STRN3: variants seen among roughly 807,000 people sequenced by gnomAD.
STRN3 encodes the protein striatin 3.
Under a neutral mutation model 95.6 loss-of-function variants are expected in STRN3, and 29 were observed. The observed-to-expected ratio is 0.30, with a 90% CI of 0.23 to 0.41. The LOEUF (loss-of-function observed/expected upper bound fraction) is 0.41, where lower values mean the gene tolerates loss of function less well. Ranked by LOEUF, STRN3 falls within the 10% of genes least tolerant of loss-of-function variation. The pLI, the probability that STRN3 is intolerant of heterozygous loss-of-function variation, is 1.00. For missense variants in STRN3, 890 were observed against 972.1 expected, an observed-to-expected ratio of 0.92 and a Z score of 1.12; for synonymous variants, 331 against 357.6, an observed-to-expected ratio of 0.93 and a Z score of 0.84.
chr14:30,950,555 A>T (rs1566453311), intron 4 of STRN3, among the ~76,000 whole-genome samples: 1 of 152,196 alleles, frequency 6.6e-6, no homozygotes, highest in Non-Finnish European at 1.5e-5. Flanking sequence ...CACACTGAAA[A>T]GAAATGTGTG....
chr14:30,968,133 T>C (rs569972870), intron 1 of STRN3, among the ~76,000 whole-genome samples: 11 of 152,264 alleles, frequency 7.2e-5, no homozygotes, highest in South Asian at 2.1e-4. Context: ...CAAAGAATAA[T>C]TGAAATACCA....
intron 1 of STRN3, among the ~76,000 whole-genome samples, chr14:30,989,444 T>C: frequency 6.6e-6 from 1 of 152,144 alleles, no homozygotes; most frequent in East Asian, 1.9e-4. Flanking sequence ...AAAACAGTCA[T>C]TTAAACACAG....
intron 1 of STRN3, among the ~76,000 whole-genome samples, chr14:30,996,390 T>C (rs534872314): frequency 6.6e-6 from 1 of 152,348 alleles, no homozygotes; most frequent in East Asian, 1.9e-4. Flanking sequence ...GGGAATGTAG[T>C]AGCTGGCAAA....
At chr14:30,900,612 G>C (rs1462887349) in intron 16 of STRN3, among the ~76,000 whole-genome samples, 1 of 151,632 alleles carries the variant, frequency 6.6e-6, no homozygotes, top group African/African-American at 2.4e-5. Context: ...CACACCTGTA[G>C]TCCCACCCTG....
chr14:31,015,531 C>T (rs764710308), intron 1 of STRN3, among the ~76,000 whole-genome samples: 3 of 151,970 alleles, frequency 2.0e-5, no homozygotes, highest in Admixed American at 2.0e-4. Flanking sequence ...ACCATCACAC[C>T]GAGCTAATTT....
intron 1 of STRN3, among the ~76,000 whole-genome samples, chr14:30,989,954 A>T (rs1033687707): frequency 2.6e-5 from 4 of 151,740 alleles, no homozygotes; most frequent in African/African-American, 9.7e-5. Context: ...AATCAAAAAA[A>T]TGGAAGGCTC....
chr14:31,025,679 G>T (rs756222302), intron 1 of STRN3: 26 of 679,080 alleles, frequency 3.8e-5, no homozygotes, highest in Non-Finnish European at 5.7e-5. Flanking sequence ...CCCCGAGGAG[G>T]CCCGCACCGC....
At chr14:30,969,740 TTA>T (rs1271112420) in intron 1 of STRN3, among the ~76,000 whole-genome samples, 4 of 152,178 alleles carry the variant, frequency 2.6e-5, no homozygotes, top group Non-Finnish European at 4.4e-5. Flanking sequence ...GGTCAATTTC[TTA>T]GAAATTATAT....
chr14:30,928,533 T>C (rs957273333), intron 8 of STRN3, among the ~76,000 whole-genome samples: 3 of 152,118 alleles, frequency 2.0e-5, no homozygotes, highest in Non-Finnish European at 4.4e-5. Flanking sequence ...AATTGCTACT[T>C]TGAGAGAGGT....
intron 16 of STRN3, among the ~76,000 whole-genome samples, chr14:30,898,620 T>A (rs1387594288): frequency 6.6e-6 from 1 of 152,206 alleles, no homozygotes; most frequent in African/African-American, 2.4e-5. Flanking sequence ...GGTGACCACA[T>A]AAATCACAAA....
At chr14:30,933,500 A>G (rs1301640062) in intron 7 of STRN3, among the ~76,000 whole-genome samples, 1 of 151,956 alleles carries the variant, frequency 6.6e-6, no homozygotes, top group Non-Finnish European at 1.5e-5. Context: ...AACAATCAGG[A>G]AAAAACAATA....
intron 4 of STRN3, among the ~76,000 whole-genome samples, chr14:30,948,849 C>T (rs1047005405): frequency 5.3e-5 from 8 of 152,184 alleles, no homozygotes; most frequent in African/African-American, 1.9e-4. Flanking sequence ...GAAAAGCTGT[C>T]CTCACTTTTC....
intron 3 of STRN3, among the ~76,000 whole-genome samples, chr14:30,952,696 T>A: frequency 6.6e-6 from 1 of 151,722 alleles, no homozygotes; most frequent in African/African-American, 2.4e-5. Flanking sequence ...CAAGACTCTG[T>A]CTCAAAAAAA....
intron 1 of STRN3, among the ~76,000 whole-genome samples, chr14:30,962,777 C>T (rs1183814617): frequency 1.3e-5 from 2 of 152,164 alleles, no homozygotes; most frequent in African/African-American, 4.8e-5. Flanking sequence ...AAGCAATCCT[C>T]CCTCCTCAGC....
chr14:30,997,417 C>T (rs1016020767), intron 1 of STRN3, among the ~76,000 whole-genome samples: 4 of 152,186 alleles, frequency 2.6e-5, no homozygotes, highest in Admixed American at 1.3e-4. Context: ...CCTTAATCAT[C>T]CTAGGCCAGG....
chr14:30,988,181 A>G (rs1594545989), intron 1 of STRN3, among the ~76,000 whole-genome samples: 1 of 152,218 alleles, frequency 6.6e-6, no homozygotes, highest in East Asian at 1.9e-4. Flanking sequence ...TATACTGAAC[A>G]AGACTAACAC....
intron 8 of STRN3, among the ~76,000 whole-genome samples, chr14:30,921,638 C>A (rs976323196): frequency 6.6e-6 from 1 of 152,048 alleles, no homozygotes; most frequent in African/African-American, 2.4e-5. Context: ...CTAAACCTAT[C>A]CAATATTCTA....
chr14:30,901,270 G>A (rs942706645), intron 16 of STRN3, among the ~76,000 whole-genome samples: 10 of 137,820 alleles, frequency 7.3e-5, no homozygotes, highest in Admixed American at 6.7e-4. Context: ...GTGAGACCCT[G>A]TCTCTATAAA....
chr14:30,986,368 AG>A (rs1171632986), intron 1 of STRN3, among the ~76,000 whole-genome samples: 12 of 152,336 alleles, frequency 7.9e-5, no homozygotes, highest in African/African-American at 2.9e-4. Flanking sequence ...AGAAAGGGAC[AG>A]TCCATGTTTT....
Sources: gnomAD v4.1 joint callset for allele counts (sites outside exome capture counted in the v4.1 genomes callset) on GRCh38, gnomAD v4.1.1 for gene constraint, MANE v1.5 for transcripts, NCBI Gene and HGNC (gene_info 2026-07-23, HGNC 2026-07-21) for gene names.